Variants in AKAP4 observed in about 807,000 individuals in gnomAD.
AKAP4 encodes the protein A-kinase anchoring protein 4, also known as A-kinase anchor protein 4.
Under a neutral mutation model 42.6 loss-of-function variants are expected in AKAP4, and 4 were observed. The observed-to-expected ratio is 0.09, with a 90% CI of 0.05 to 0.22. AKAP4 has a LOEUF of 0.22. Ranked by LOEUF, AKAP4 falls within the 10% of genes least tolerant of loss-of-function variation. The probability of loss-of-function intolerance (pLI) is 1.00; values close to 1 mark genes in which losing one functional copy is unlikely to be tolerated. For missense variants in AKAP4, 551 were observed against 630.7 expected (o/e 0.87, Z 1.35); for synonymous variants, 223 against 233.0 (o/e 0.96, Z 0.39).
At chrX:50,200,505 A>G in intron 1 of AKAP4, 1 of 466,107 alleles carries the variant, frequency 2.1e-6, no homozygotes, top group Non-Finnish European at 2.8e-6. Context: ...TATTCCCATC[A>G]AAAGCACATC....
chrX:50,200,450 G>C (rs1935250419), intron 1 of AKAP4: 4 of 688,664 alleles, frequency 5.8e-6, no homozygotes, highest in Non-Finnish European at 5.2e-6. Flanking sequence ...TGCCTGAACT[G>C]TCACAACCTA....
Position 50,193,585 on chromosome X carries a change from C to A in AKAP4, c.1128G>T (p.Lys376Asn). Residue 376 changes from lysine to asparagine, a missense_variant, in exon 5 of 6, where the codon AAG (lysine) becomes AAT (asparagine). Transcript: ENST00000358526. ...VLKRVLLRHT[K>N]EIVSDLIDSC... is the part of the protein sequence containing the mutation. ...AATCAATCAAATCGGACACAATCTC[C>A]TTGGTGTGCCTTAGCAACACCCTCT... The A allele has an allele frequency of 8.3e-7, 1 of 1,211,701 alleles. No individual in the cohort carries two copies. Among genetic ancestry groups the A allele is most frequent in the Non-Finnish European group, 1.1e-6 (1 of 895,471 alleles).
In AKAP4 at chrX:50,198,713, C is replaced by T; in HGVS notation, c.67G>A (p.Val23Met). ...DIDWLRSHRG[V>M]CKVDLYNPEG... The stretch of plus-strand genomic sequence containing the variant: ...GGGTTGTAGAGATCTACCTTGCACA[C>T]ACCCCTGTGGCTGCGTAACCAGTCA... The change falls in exon 2 of 6, where the codon GTG becomes ATG. Residue 23 changes from valine (V) to methionine (M), a missense_variant. Val to Met is a conservative substitution (Grantham distance 21, BLOSUM62 1). Transcript: ENST00000358526. 1 of 1,209,685 alleles carries T rather than the reference C, an allele frequency of 8.3e-7. No individual in the cohort carries two copies. Among genetic ancestry groups the T allele is most frequent in the Non-Finnish European group, 1.1e-6 (1 of 894,187 alleles).
chrX:50,196,436 G>A (rs782338062), intron 4 of AKAP4, among the ~76,000 whole-genome samples: 2 of 111,235 alleles, frequency 1.8e-5, no homozygotes, highest in African/African-American at 6.5e-5. Context: ...TGGCATGCAA[G>A]TTTAATTGCT....
chrX:50,194,243 C>G lies in AKAP4; in HGVS notation c.470G>C (p.Ser157Thr). The change falls in exon 5 of 6, where the codon AGT becomes ACT. Residue 157 changes from serine to threonine, a missense_variant. Physicochemically the swap from Ser to Thr is moderately conservative, Grantham distance 58 (BLOSUM62 1). Transcript: ENST00000358526. ...TATGTTCACTTGATCGGCATAGACA[C>G]TGTAGCAGTTCTCAGAGGATGCTCT... is the stretch of plus-strand genomic sequence containing the variant. ...YHRASSENCY[S>T]VYADQVNIDY... is the part of the protein sequence containing the mutation. The G allele has an allele frequency of 8.3e-7, 1 of 1,210,845 alleles. No individual in the cohort carries two copies. Among genetic ancestry groups the G allele is most frequent in the Non-Finnish European group, 1.1e-6 (1 of 895,187 alleles).
Position 50,192,522 on chromosome X carries a change from C to G in AKAP4, c.2191G>C (p.Ala731Pro), listed in dbSNP as rs782653772. 4.6e-5 allele frequency: 56 copies of G among 1,209,699 alleles called. No homozygotes were observed. In the East Asian group the frequency reaches 1.5e-3, roughly 33 times the overall value. ...LAELEEQAAS[A>P]NKPNFRGTRC... Reference sequence around the variant, plus strand: ...GTGCCCCTGAAATTGGGCTTATTTGCCGAGGCTGCTTGTTCTTCCAACTCA... The same window carrying G: ...GTGCCCCTGAAATTGGGCTTATTTGGCGAGGCTGCTTGTTCTTCCAACTCA... Residue 731 changes from alanine (A) to proline (P), a missense_variant, in exon 5 of 6, where the codon GCA becomes CCA. Coordinates refer to ENST00000358526, the MANE Select transcript of AKAP4 (RefSeq NM_003886.3).
At chrX:50,198,070 T>G (rs1935213426) in intron 2 of AKAP4, among the ~76,000 whole-genome samples, 1 of 111,797 alleles carries the variant, frequency 8.9e-6, no homozygotes, top group Non-Finnish European at 1.9e-5. Flanking sequence ...TAAATATTTC[T>G]GCATTTAATA....
rs782299034 is a variant in AKAP4 at position 50,193,030 on chromosome X, C to T, written c.1683G>A (p.Lys561=). 6 of 1,211,701 alleles carry T rather than the reference C, an allele frequency of 5.0e-6. No homozygotes were observed. Among genetic ancestry groups the T allele is most frequent in the Non-Finnish European group, 6.7e-6 (6 of 895,484 alleles). The change falls in exon 5 of 6, where the codon AAG becomes AAA. Residue 561 remains lysine (K), a synonymous_variant. Coordinates refer to ENST00000358526, the MANE Select transcript of AKAP4 (RefSeq NM_003886.3). ...LIQYHLTQQT[K]GKDTCEEDCP... ...AGTCTTCTTCACATGTATCTTTGCC[C>T]TTAGTCTGCTGGGTCAGATGGTACT...
At chrX:50,191,923 C>A (rs1935117911) in intron 5 of AKAP4, among the ~76,000 whole-genome samples, 1 of 111,247 alleles carries the variant, frequency 9.0e-6, no homozygotes, top group South Asian at 3.8e-4. Flanking sequence ...GTCCATGATA[C>A]TTCCAACACC....
At position 50,193,020 on chromosome X, in the gene AKAP4, T is replaced by C; in HGVS notation, c.1693A>G (p.Thr565Ala). ...GAACCAGGACAGTCTTCTTCACATG[T>C]ATCTTTGCCCTTAGTCTGCTGGGTC... Reference protein sequence around the residue: ...HLTQQTKGKDTCEEDCPGSTM... With the variant: ...HLTQQTKGKDACEEDCPGSTM... Residue 565 changes from threonine (T) to alanine (A), a missense_variant, in exon 5 of 6, where the codon ACA becomes GCA. By Grantham distance (58) the Thr-to-Ala change is moderately conservative (BLOSUM62 0). Transcript: ENST00000358526. The C allele has an allele frequency of 1.7e-6, 2 of 1,211,854 alleles. No homozygotes were observed. The highest frequency in any genetic ancestry group is 2.2e-6 in the Non-Finnish European group (2 of 895,503).
rs1181118996 is a variant in AKAP4, at chrX:50,193,364, G to A, written c.1349C>T (p.Ser450Phe). The A allele has an allele frequency of 8.3e-7, 1 of 1,209,754 alleles. No individual in the cohort carries two copies. The highest frequency in any genetic ancestry group is 1.1e-6 in the Non-Finnish European group (1 of 895,168). ...GGGATCATGGGACCCAGCTTTTAAA[G>A]ATGCATATGACAGACTCTGAGACTT... is the stretch of plus-strand genomic sequence containing the variant. The part of the protein sequence containing the change: ...ETKSQSLSYA[S>F]LKAGSHDPKC... The change falls in exon 5 of 6, where the codon TCT becomes TTT. Residue 450 changes from serine (S) to phenylalanine (F), a missense_variant. Ser to Phe is a radical substitution (Grantham distance 155). Transcript: ENST00000358526.
In AKAP4 at chrX:50,198,708, G is replaced by T; in HGVS notation, c.72C>A (p.Cys24Ter). The T allele has an allele frequency of 8.3e-7, 1 of 1,209,798 alleles. No homozygotes were observed. The highest frequency in any genetic ancestry group is 1.1e-6 in the Non-Finnish European group (1 of 894,356). Reference sequence around the variant, plus strand: ...CTTCTGGGTTGTAGAGATCTACCTTGCACACACCCCTGTGGCTGCGTAACC... The same window carrying T: ...CTTCTGGGTTGTAGAGATCTACCTTTCACACACCCCTGTGGCTGCGTAACC... ...IDWLRSHRGV[C>*]KVDLYNPEGQ... The change falls in exon 2 of 6, where the codon TGC becomes TGA. Residue 24 changes from cysteine (C) to a stop codon, truncating the protein, a stop_gained. Coordinates refer to ENST00000358526, the MANE Select transcript of AKAP4 (RefSeq NM_003886.3). LOFTEE classifies it high-confidence loss of function.
chrX:50,194,850 G>A (rs1300686116), intron 4 of AKAP4, among the ~76,000 whole-genome samples: 1 of 111,448 alleles, frequency 9.0e-6, no homozygotes, highest in Admixed American at 9.6e-5. Context: ...GTGTGACTAT[G>A]TCTAAGCATG....
chrX:50,199,715 G>C (rs1272393743), intron 1 of AKAP4, among the ~76,000 whole-genome samples: 1 of 102,720 alleles, frequency 9.7e-6, no homozygotes, highest in East Asian at 3.1e-4. Flanking sequence ...AAGTATTAGA[G>C]GGCTATTGAA....
chrX:50,195,461 A>G (rs920518639), intron 4 of AKAP4, among the ~76,000 whole-genome samples: 2 of 112,125 alleles, frequency 1.8e-5, no homozygotes, highest in South Asian at 7.4e-4. Flanking sequence ...GTCTTTGCAT[A>G]CATATGTATA....
At chrX:50,199,047 C>G (rs1411105141) in intron 1 of AKAP4, among the ~76,000 whole-genome samples, 1 of 111,194 alleles carries the variant, frequency 9.0e-6, no homozygotes, top group African/African-American at 3.3e-5. Flanking sequence ...AAAAGGAAAT[C>G]TAGTGACTTT....
At chrX:50,200,815 C>A (rs782798898) in intron 1 of AKAP4, 48 bp downstream of exon 1, 19 of 1,150,715 alleles carry the variant, frequency 1.7e-5, no homozygotes, top group Non-Finnish European at 2.3e-5. Flanking sequence ...TTCACCTCAC[C>A]ATTAAGATGC....
At position 50,198,654 on chromosome X, in the gene AKAP4, T is replaced by C; in HGVS notation, c.123+3A>G. 8.3e-7 allele frequency: 1 copy of C among 1,204,836 alleles called. No individual in the cohort carries two copies. Among genetic ancestry groups the C allele is most frequent in the South Asian group, 1.8e-5 (1 of 56,489 alleles). Reference sequence around the variant, plus strand: ...CCTCGGCATGAGTCATTTTTTATCTTACCACTTTCCGGTCCTGATCTTGCT... The same window carrying C: ...CCTCGGCATGAGTCATTTTTTATCTCACCACTTTCCGGTCCTGATCTTGCT... On this transcript the variant is annotated splice_donor_region_variant and intron_variant, in intron 2 of 5. Transcript: ENST00000358526.
chrX:50,192,418 G>A lies in AKAP4; in HGVS notation c.2295C>T (p.Cys765=). ...LGHEVIVNNQ[C]STNSLQKQLQ... ...GCTGCTTCTGCAAGCTATTTGTAGA[G>A]CACTGATTATTGACAATTACTTCAT... The change falls in exon 5 of 6, where the codon TGC becomes TGT. Residue 765 remains cysteine, a synonymous_variant. Coordinates refer to ENST00000358526, the MANE Select transcript of AKAP4 (RefSeq NM_003886.3). The A allele has an allele frequency of 3.3e-6, 4 of 1,206,119 alleles. No homozygotes were observed. The highest frequency in any genetic ancestry group is 3.4e-6 in the Non-Finnish European group (3 of 892,380).
Sources: allele counts gnomAD v4.1 joint callset (sites outside exome capture counted in the v4.1 genomes callset), GRCh38; gene constraint gnomAD v4.1.1; transcripts MANE v1.5; gene names NCBI Gene and HGNC (gene_info 2026-07-23, HGNC 2026-07-21).